ARHGAP26: variants seen among roughly 807,000 people sequenced by gnomAD.
The protein encoded by ARHGAP26 is rho GTPase-activating protein 26.
In ARHGAP26, 38 loss-of-function variants were observed where a neutral mutation model predicts 104.8. That is an observed-to-expected ratio of 0.36 (90% confidence interval 0.28 to 0.48). The LOEUF (loss-of-function observed/expected upper bound fraction) is 0.48. Ranked by LOEUF, ARHGAP26 falls within the 20% of genes least tolerant of loss-of-function variation. The pLI, the probability that ARHGAP26 is intolerant of heterozygous loss-of-function variation, is 0.99. For missense variants in ARHGAP26, 704 were observed against 947.9 expected (o/e 0.74, Z 3.38); for synonymous variants, 341 against 340.0 (o/e 1.00, Z -0.03).
At chr5:143,200,885 C>A (rs1181791913) in intron 20 of ARHGAP26, among the ~76,000 whole-genome samples, 2 of 152,224 alleles carry the variant, frequency 1.3e-5, no homozygotes, top group Non-Finnish European at 2.9e-5. Context: ...GCCTGGGCAG[C>A]CCTGCCACAG....
At chr5:142,821,117 G>C (rs1203529502) in intron 1 of ARHGAP26, among the ~76,000 whole-genome samples, 1 of 152,058 alleles carries the variant, frequency 6.6e-6, no homozygotes, top group East Asian at 1.9e-4. Context: ...TTGGTATTCT[G>C]TTTTTATTTT....
intron 20 of ARHGAP26, among the ~76,000 whole-genome samples, chr5:143,157,909 T>C (rs853170): frequency 0.24 from 36,585 of 152,154 alleles, 5,328 homozygotes; most frequent in East Asian, 0.56. Context: ...ATTTCCTAAC[T>C]GTGTAAACTT....
chr5:143,036,005 T>A (rs1454929082), intron 12 of ARHGAP26, among the ~76,000 whole-genome samples: 1 of 149,298 alleles, frequency 6.7e-6, no homozygotes, highest in Admixed American at 6.7e-5. Context: ...TCCAATAACC[T>A]ATGGAAATAA....
At chr5:142,890,944 G>GTATCAGTC (rs1562025865) in intron 5 of ARHGAP26, among the ~76,000 whole-genome samples, 4 of 151,850 alleles carry the variant, frequency 2.6e-5, no homozygotes, top group African/African-American at 7.3e-5. Flanking sequence ...TCCTTATAGG[G>GTATCAGTC]ATTTCCTTCT....
chr5:143,067,335 C>T (rs1036565439), intron 17 of ARHGAP26, among the ~76,000 whole-genome samples: 9 of 152,170 alleles, frequency 5.9e-5, no homozygotes, highest in Non-Finnish European at 1.0e-4. Context: ...CTTGACCTTC[C>T]AGTTTCCCCC....
intron 20 of ARHGAP26, among the ~76,000 whole-genome samples, chr5:143,150,455 T>C (rs1599247653): frequency 1.3e-5 from 2 of 152,214 alleles, no homozygotes; most frequent in South Asian, 4.2e-4. Context: ...GTCGAAGTAG[T>C]GGAAAAGGTC....
In ARHGAP26 at chr5:142,903,651, C is replaced by G; in HGVS notation, c.814C>G (p.Leu272Val). ...TISPYTMEGY[L>V]YVQEKRHFGT... ...CAGTCCCTACACCATGGAGGGATACCTCTACGTGCAGGAGAAACGTGAGTG... is the reference window on the plus strand; with the variant it reads ...CAGTCCCTACACCATGGAGGGATACGTCTACGTGCAGGAGAAACGTGAGTG... The change falls in exon 8 of 23, where the codon CTC becomes GTC. Residue 272 changes from leucine to valine, a missense_variant. Around this residue, in one of 6 missense-constraint regions of ARHGAP26, gnomAD observed 287 missense variants for 438.8 expected, o/e 0.65. Coordinates refer to ENST00000645722, the MANE Select transcript of ARHGAP26 (RefSeq NM_001135608.3). 1 of 1,613,812 alleles carries G rather than the reference C, an allele frequency of 6.2e-7. No homozygotes were observed. The highest frequency in any genetic ancestry group is 8.5e-7 in the Non-Finnish European group (1 of 1,179,854).
intron 14 of ARHGAP26, among the ~76,000 whole-genome samples, chr5:143,052,200 G>C (rs543478755): frequency 2.0e-5 from 3 of 152,126 alleles, no homozygotes; most frequent in Non-Finnish European, 4.4e-5. Flanking sequence ...GGCCAGGCGC[G>C]GTGGCTCATG....
chr5:142,845,090 A>G (rs1417304977), intron 1 of ARHGAP26, among the ~76,000 whole-genome samples: 1 of 152,158 alleles, frequency 6.6e-6, no homozygotes, highest in Non-Finnish European at 1.5e-5. Flanking sequence ...AGCACCAGGA[A>G]TATCCTGAGG....
At chr5:142,913,331 G>A (rs1338570429) in intron 10 of ARHGAP26, 38 bp downstream of exon 10, 3 of 1,567,294 alleles carry the variant, frequency 1.9e-6, no homozygotes, top group South Asian at 2.2e-5. Context: ...AGCAAATAGA[G>A]CTGAATTTCT....
chr5:142,891,611 G>A (rs200469865), intron 5 of ARHGAP26, among the ~76,000 whole-genome samples: 8,505 of 120,100 alleles, frequency 0.071, 408 homozygotes, highest in East Asian at 0.44. Flanking sequence ...CTCTTAAGAT[G>A]TCAAGTAGCA....
At chr5:143,010,066 T>G (rs1778533849) in intron 11 of ARHGAP26, among the ~76,000 whole-genome samples, 1 of 152,186 alleles carries the variant, frequency 6.6e-6, no homozygotes. Flanking sequence ...CCTCTGAACC[T>G]CAGTCTGATG....
intron 10 of ARHGAP26, among the ~76,000 whole-genome samples, chr5:142,917,270 C>T (rs1448040758): frequency 6.6e-6 from 1 of 152,140 alleles, no homozygotes; most frequent in Non-Finnish European, 1.5e-5. Flanking sequence ...AACTACTGAC[C>T]TCAGGTGATC....
At chr5:142,785,336 C>G (rs933659411) in intron 1 of ARHGAP26, among the ~76,000 whole-genome samples, 1 of 152,224 alleles carries the variant, frequency 6.6e-6, no homozygotes, top group African/African-American at 2.4e-5. Flanking sequence ...TGCTGCAGTT[C>G]CAACACCAGG....
intron 20 of ARHGAP26, among the ~76,000 whole-genome samples, chr5:143,204,724 A>G (rs1047812646): frequency 6.6e-6 from 1 of 152,208 alleles, no homozygotes; most frequent in African/African-American, 2.4e-5. Context: ...AATATGTTCC[A>G]AACTATGCCA....
intron 11 of ARHGAP26, among the ~76,000 whole-genome samples, chr5:142,945,255 C>T (rs1017942462): frequency 2.6e-5 from 4 of 152,322 alleles, no homozygotes; most frequent in South Asian, 2.1e-4. Flanking sequence ...GCCTGGCTGA[C>T]GTGTGTGCTC....
Position 142,992,436 on chromosome 5 carries a change from T to A in ARHGAP26, c.1108-21644T>A, listed in dbSNP as rs181275173. On this transcript the variant is annotated intron_variant, in intron 11 of 22. Transcript: ENST00000645722. ...TTTTATTTATTTATTTTATTTTATT[T>A]TTTATTTTTTTTTTTGAGAGGGAGT... 3.3e-3 allele frequency among the ~76,000 whole-genome samples: 496 copies of A among 150,756 alleles called. 16 individuals are homozygous for A. The East Asian group carries it at 0.054, about 16-fold the overall frequency.
chr5:143,188,664 G>A (rs1444898622), intron 20 of ARHGAP26, among the ~76,000 whole-genome samples: 1 of 152,212 alleles, frequency 6.6e-6, no homozygotes, highest in Non-Finnish European at 1.5e-5. Flanking sequence ...AACATTTCAG[G>A]TAGGTATATT....
At chr5:143,144,524 G>C (rs1386193279) in intron 19 of ARHGAP26, among the ~76,000 whole-genome samples, 1 of 152,090 alleles carries the variant, frequency 6.6e-6, no homozygotes, top group African/African-American at 2.4e-5. Flanking sequence ...TCCTGCCTCA[G>C]CCTCCCAAGT....
Sources: gnomAD v4.1 joint callset for allele counts (sites outside exome capture counted in the v4.1 genomes callset) on GRCh38, gnomAD v4.1.1 for gene constraint, gnomAD v4.1.1 regional missense constraint, MANE v1.5 for transcripts, NCBI Gene and HGNC (gene_info 2026-07-23, HGNC 2026-07-21) for gene names.